Variants in SUSD4 observed in about 807,000 individuals in gnomAD.
The protein encoded by SUSD4 is sushi domain containing 4, also known as sushi domain-containing protein 4.
Under a neutral mutation model 50.5 loss-of-function variants are expected in SUSD4, and 41 were observed. The observed-to-expected ratio is 0.81, with a 90% CI of 0.63 to 1.05. The LOEUF (loss-of-function observed/expected upper bound fraction) is 1.05, where lower values mean the gene tolerates loss of function less well. SUSD4 is among the 50% of genes least tolerant of loss of function. The pLI is 0.00. For synonymous variants in SUSD4, 257 were observed against 257.3 expected, an observed-to-expected ratio of 1.00 and a Z score of 0.01; for missense variants, 580 against 634.7, an observed-to-expected ratio of 0.91 and a Z score of 0.93.
chr1:223,335,923 G>A (rs1225124163), intron 2 of SUSD4, among the ~76,000 whole-genome samples: 4 of 151,938 alleles, frequency 2.6e-5, no homozygotes, highest in African/African-American at 7.3e-5. Flanking sequence ...GGTCGATTTC[G>A]GGAAGAATTC....
At chr1:223,304,209 A>C (rs2103189000) in intron 2 of SUSD4, among the ~76,000 whole-genome samples, 1 of 152,238 alleles carries the variant, frequency 6.6e-6, no homozygotes, top group South Asian at 2.1e-4. Context: ...CTGGGATAGG[A>C]ATCTTGGTGA....
chr1:223,348,004 A>G (rs1391727892), intron 2 of SUSD4, among the ~76,000 whole-genome samples: 1 of 152,064 alleles, frequency 6.6e-6, no homozygotes, highest in African/African-American at 2.4e-5. Context: ...GGCAACCTCT[A>G]TGGCCCCTTC....
intron 5 of SUSD4, among the ~76,000 whole-genome samples, chr1:223,253,503 G>A (rs1008028002): frequency 7.9e-5 from 12 of 152,102 alleles, no homozygotes; most frequent in African/African-American, 2.7e-4. Context: ...AGGGAATTAC[G>A]GCAATGGTTT....
At chr1:223,364,863 C>G (rs1444834873), upstream of SUSD4, among the ~76,000 whole-genome samples, 4 of 152,154 alleles carry the variant, frequency 2.6e-5, no homozygotes, top group Non-Finnish European at 5.9e-5. The surrounding 1 kb of genome is among the most constrained non-coding windows in gnomAD (Gnocchi z 4.5). Flanking sequence ...CCATCTCCGC[C>G]GAAGCTCTGC....
At chr1:223,272,665 T>G (rs1276005578) in intron 3 of SUSD4, among the ~76,000 whole-genome samples, 2 of 152,192 alleles carry the variant, frequency 1.3e-5, no homozygotes, top group Admixed American at 6.5e-5. Context: ...CCCAGGAACA[T>G]GAATACATAA....
At chr1:223,228,553 A>C (rs1659679851) in intron 6 of SUSD4, among the ~76,000 whole-genome samples, 2 of 152,242 alleles carry the variant, frequency 1.3e-5, no homozygotes, top group African/African-American at 4.8e-5. Context: ...TCCTGTGGTC[A>C]CTACCCAGGT....
At chr1:223,292,821 C>A (rs573205004) in intron 2 of SUSD4, among the ~76,000 whole-genome samples, 170 bp from the exon 3 acceptor site, 1 of 152,332 alleles carries the variant, frequency 6.6e-6, no homozygotes, top group South Asian at 2.1e-4. Context: ...GCTTTTAGCT[C>A]TTTGCTCAGA....
intron 4 of SUSD4, among the ~76,000 whole-genome samples, chr1:223,268,013 TTATATATATA>T (rs59885860): frequency 1.1e-4 from 6 of 53,358 alleles, no homozygotes; most frequent in East Asian, 2.3e-3. Flanking sequence ...CATGCATTTT[TTATATATATA>T]TATATATATA....
chr1:223,359,000 G>A, intron 2 of SUSD4: 1 of 469,012 alleles, frequency 2.1e-6, no homozygotes, highest in South Asian at 1.6e-5. Flanking sequence ...CTGGCACAGA[G>A]CACAGCACTA....
At chr1:223,331,743 G>C (rs1667187053) in intron 2 of SUSD4, among the ~76,000 whole-genome samples, 1 of 152,116 alleles carries the variant, frequency 6.6e-6, no homozygotes, top group Non-Finnish European at 1.5e-5. Flanking sequence ...GACTCCATCT[G>C]ACCAAGCCAT....
intron 2 of SUSD4, among the ~76,000 whole-genome samples, chr1:223,293,731 C>G (rs746195759): frequency 6.6e-6 from 1 of 152,170 alleles, no homozygotes; most frequent in Non-Finnish European, 1.5e-5. Flanking sequence ...TGTGCCCAGA[C>G]AGCTGGGATG....
intron 2 of SUSD4, among the ~76,000 whole-genome samples, chr1:223,356,665 C>A (rs1668685608): frequency 6.6e-6 from 1 of 151,956 alleles, no homozygotes; most frequent in South Asian, 2.1e-4. Flanking sequence ...AAGTCTGGAC[C>A]AAAATGACAA....
intron 2 of SUSD4, among the ~76,000 whole-genome samples, chr1:223,345,036 T>G (rs994951000): frequency 1.1e-4 from 16 of 152,248 alleles, no homozygotes; most frequent in Non-Finnish European, 2.2e-4. Flanking sequence ...TTAATATAAG[T>G]AATTTGTTAT....
chr1:223,279,357 C>T (rs1663521988), intron 3 of SUSD4, among the ~76,000 whole-genome samples: 1 of 152,130 alleles, frequency 6.6e-6, no homozygotes, highest in Admixed American at 6.5e-5. Flanking sequence ...CTAGAATAAC[C>T]AGTGTAGAGA....
chr1:223,232,768 C>A (rs1558166834), intron 5 of SUSD4, among the ~76,000 whole-genome samples: 1 of 152,152 alleles, frequency 6.6e-6, no homozygotes, highest in Non-Finnish European at 1.5e-5. Flanking sequence ...TGTGGAGTTA[C>A]CCAAATTTGT....
intron 3 of SUSD4, among the ~76,000 whole-genome samples, chr1:223,288,869 C>T (rs1401435582): frequency 6.6e-6 from 1 of 152,212 alleles, no homozygotes; most frequent in Non-Finnish European, 1.5e-5. Flanking sequence ...AGTCTGACTG[C>T]TACTCCTTGC....
At chr1:223,331,465 C>A (rs1249845573) in intron 2 of SUSD4, among the ~76,000 whole-genome samples, 1 of 152,176 alleles carries the variant, frequency 6.6e-6, no homozygotes, top group East Asian at 1.9e-4. Flanking sequence ...ACAGCTGAAC[C>A]TGTGTCCCCC....
In SUSD4 at chr1:223,335,685, G is replaced by T. The variant is rs573623084; in HGVS notation, c.148+27593C>A. On this transcript the variant is annotated intron_variant, in intron 2 of 8. Transcript: ENST00000366878. ...AAAAGATGTGCTCCATTGATTTAGG[G>T]CATAATCTAAGAAATGAGAAAACAC... 4.6e-5 allele frequency among the ~76,000 whole-genome samples: 7 copies of T among 152,228 alleles called. No individual in the cohort carries two copies. The South Asian group carries it at 1.0e-3, about 23-fold the overall frequency.
At chr1:223,291,586 T>C (rs1162509628) in intron 3 of SUSD4, among the ~76,000 whole-genome samples, 1 of 151,826 alleles carries the variant, frequency 6.6e-6, no homozygotes, top group Non-Finnish European at 1.5e-5. Flanking sequence ...GTTTCCATAT[T>C]ATTATAAAAG....
Sources: gnomAD v4.1 joint callset for allele counts (sites outside exome capture counted in the v4.1 genomes callset) on GRCh38, gnomAD v4.1.1 for gene constraint, Gnocchi (gnomAD v3.1) non-coding constraint, MANE v1.5 for transcripts, NCBI Gene and HGNC (gene_info 2026-07-23, HGNC 2026-07-21) for gene names.